The following TM9SF1 variants were observed in gnomAD, a reference collection of about 807,000 sequenced individuals.
TM9SF1 encodes the protein MP70 protein family member.
Under a neutral mutation model 52.4 loss-of-function variants are expected in TM9SF1, and 25 were observed. That is an observed-to-expected ratio of 0.48 (90% CI 0.35 to 0.67). The LOEUF is 0.67. TM9SF1 is among the 30% of genes least tolerant of loss of function. The probability of loss-of-function intolerance (pLI) is 0.01; values close to 1 mark genes in which losing one functional copy is unlikely to be tolerated. For synonymous variants in TM9SF1, 284 were observed against 299.8 expected, an observed-to-expected ratio of 0.95 and a Z score of 0.55; for missense variants, 604 against 780.3, an observed-to-expected ratio of 0.77 and a Z score of 2.69.
chr14:24,193,043 C>G lies in TM9SF1; in HGVS notation c.572G>C (p.Gly191Ala). 6.2e-7 allele frequency: 1 copy of G among 1,614,192 alleles called. No individual in the cohort carries two copies. The highest frequency in any genetic ancestry group is 1.1e-5 in the South Asian group (1 of 91,080). The change falls in exon 3 of 6, where the codon GGG becomes GCG. Residue 191 changes from glycine to alanine, a missense_variant. Gly to Ala is a moderately conservative substitution (Grantham distance 60). Transcript: ENST00000261789. The part of the protein sequence containing the change: ...VRDVKPHSLD[G>A]LRPDEFLGLT... ...GCCTAGGAACTCGTCAGGTCGTAAC[C>G]CATCCAAGCTGTGGGGCTTGACGTC... is the stretch of plus-strand genomic sequence containing the variant.
At chr14:24,195,267 C>T (rs1039317488) in intron 1 of TM9SF1, 79 bp downstream of exon 1, 22 of 504,660 alleles carry the variant, frequency 4.4e-5, no homozygotes, top group Admixed American at 7.1e-5. Flanking sequence ...CTCTACTACG[C>T]GCCCTGGCCC....
chr14:24,189,718 G>T lies in TM9SF1; in HGVS notation c.1518C>A (p.Ala506=). 1.9e-6 allele frequency: 3 copies of T among 1,614,176 alleles called. No individual in the cohort carries two copies. Among genetic ancestry groups the T allele is most frequent in the Non-Finnish European group, 2.5e-6 (3 of 1,180,034 alleles). The part of the protein sequence containing the change: ...TLYGILFFVF[A]ILLSVGACIS... ...TGCAAGCCCCCACACTCAGCAGGAT[G>T]GCGAAGACAAAGAAGAGGATGCCGT... Residue 506 remains alanine (A), a synonymous_variant, in exon 6 of 6, where the codon GCC becomes GCA. Transcript: ENST00000261789.
In TM9SF1 at chr14:24,192,475, G is replaced by GT; in HGVS notation, c.968-120dup. On this transcript the variant is annotated intron_variant, in intron 3 of 5. Transcript: ENST00000261789. The surrounding 1 kb of genome is among the most constrained non-coding windows in gnomAD (Gnocchi z 4.0). ...GCCTCCAGCAAAACAATCTCCCCCA[G>GT]TTTTGCTATCCAGAAAATCTACAAT... is the stretch of plus-strand genomic sequence containing the variant. 1 of 1,391,206 alleles carries GT rather than the reference G, an allele frequency of 7.2e-7. No individual in the cohort carries two copies. Among genetic ancestry groups the GT allele is most frequent in the African/African-American group, 1.4e-5 (1 of 69,574 alleles). 86.2% of individuals were successfully genotyped at this position (1,391,206 alleles called of 1,614,324 possible).
Position 24,190,479 on chromosome 14 carries a change from G to A in TM9SF1, c.1328C>T (p.Ala443Val). 1 of 1,614,210 alleles carries A rather than the reference G, an allele frequency of 6.2e-7. No individual in the cohort carries two copies. Among genetic ancestry groups the A allele is most frequent in the Non-Finnish European group, 8.5e-7 (1 of 1,180,028 alleles). Residue 443 changes from alanine (A) to valine (V), a missense_variant, in exon 5 of 6, where the codon GCA (alanine) becomes GTA (valine). Physicochemically the swap from Ala to Val is moderately conservative, Grantham distance 64. Transcript: ENST00000261789. ...GGCGATGTTCTTGGTGCGACAGGGTGCATCAAAGGGGCTGGCGTTGTTCTT... is the reference window on the plus strand; with the variant it reads ...GGCGATGTTCTTGGTGCGACAGGGTACATCAAAGGGGCTGGCGTTGTTCTT... Reference protein sequence around the residue: ...FGKNNASPFDAPCRTKNIARE... With the variant: ...FGKNNASPFDVPCRTKNIARE...
intron 5 of TM9SF1, 114 bp downstream of exon 5, chr14:24,190,266 T>C: frequency 6.6e-7 from 1 of 1,509,184 alleles, no homozygotes; most frequent in East Asian, 2.3e-5. Context: ...GATCTCTGAA[T>C]GGTACCACTG....
At chr14:24,195,315 T>G in intron 1 of TM9SF1, 31 bp downstream of exon 1, 1 of 376,628 alleles carries the variant, frequency 2.7e-6, no homozygotes, top group Non-Finnish European at 4.9e-6. Context: ...GCACCTCGGG[T>G]CCCTTCCCGC....
At chr14:24,193,449 T>C (rs1282798386) in intron 2 of TM9SF1, among the ~76,000 whole-genome samples, 180 bp from the exon 3 acceptor site, 3 of 151,798 alleles carry the variant, frequency 2.0e-5, no homozygotes, top group Non-Finnish European at 2.9e-5. Flanking sequence ...TTACTGCAAC[T>C]TCTGCCTCCT....
rs1182489530 is a variant in TM9SF1, at chr14:24,189,793, C to T, written c.1443G>A (p.Glu481=). The T allele has an allele frequency of 6.2e-7, 1 of 1,608,262 alleles. No homozygotes were observed. The highest frequency in any genetic ancestry group is 1.3e-5 in the African/African-American group (1 of 74,756). Residue 481 remains glutamate, a synonymous_variant, in exon 6 of 6, where the codon GAG becomes GAA. Transcript: ENST00000261789. Reference sequence around the variant, plus strand: ...ATACTGTGGCAAAGATGTAGTACAGCTCCACAGAGATGGCACTGTGAAGAA... The same window carrying T: ...ATACTGTGGCAAAGATGTAGTACAGTTCCACAGAGATGGCACTGTGAAGAA... ...GFLPFSAISV[E]LYYIFATVWG...
intron 5 of TM9SF1, 95 bp downstream of exon 5, chr14:24,190,285 A>T: frequency 6.6e-7 from 1 of 1,511,846 alleles, no homozygotes; most frequent in East Asian, 2.3e-5. Flanking sequence ...TGAACCAGGG[A>T]TCAACGGGTT....
rs1381686413 is a variant in TM9SF1 at position 24,189,568 on chromosome 14, C to T, written c.1668G>A (p.Arg556=). Reference sequence around the variant, plus strand: ...GTACTGCCCCAGACATGTTGGAGCGCCGGGCATAATAGAAAACTGAGTAGA... The same window carrying T: ...GTACTGCCCCAGACATGTTGGAGCGTCGGGCATAATAGAAAACTGAGTAGA... ...IFLYSVFYYA[R]RSNMSGAVQT... is the part of the protein sequence containing the mutation. Residue 556 remains arginine (R), a synonymous_variant, in exon 6 of 6, where the codon CGG becomes CGA. Transcript: ENST00000261789. 1 of 1,613,990 alleles carries T rather than the reference C, an allele frequency of 6.2e-7. No homozygotes were observed. Among genetic ancestry groups the T allele is most frequent in the Non-Finnish European group, 8.5e-7 (1 of 1,180,030 alleles).
At chr14:24,195,228 C>T (rs1385066520) in intron 1 of TM9SF1, 118 bp downstream of exon 1, 2 of 577,116 alleles carry the variant, frequency 3.5e-6, no homozygotes, top group Admixed American at 3.1e-5. Context: ...CTGGGGTTCA[C>T]CCCACCCGCA....
At chr14:24,194,230 G>GT (rs1009031845) in intron 2 of TM9SF1, among the ~76,000 whole-genome samples, 7 of 152,176 alleles carry the variant, frequency 4.6e-5, no homozygotes, top group Non-Finnish European at 1.0e-4. Flanking sequence ...AAGGAGAGCG[G>GT]TGAGGTATAA....
intron 5 of TM9SF1, chr14:24,190,059 C>T: frequency 1.5e-6 from 2 of 1,357,964 alleles, no homozygotes; most frequent in Non-Finnish European, 1.9e-6. Flanking sequence ...CCACTTTATT[C>T]TTTGCCTGGC....
At position 24,194,944 on chromosome 14, in the gene TM9SF1, G is replaced by C. The variant is rs369085597; in HGVS notation, c.76C>G (p.His26Asp). 2.5e-6 allele frequency: 4 copies of C among 1,614,188 alleles called. No individual in the cohort carries two copies. The highest frequency in any genetic ancestry group is 3.4e-6 in the Non-Finnish European group (4 of 1,180,028). Residue 26 changes from histidine to aspartate, a missense_variant, in exon 2 of 6, where the codon CAT becomes GAT. This residue lies in a region of TM9SF1 where 47 missense variants were observed against 39.7 expected (regional missense o/e 1.18). Transcript: ENST00000261789. ...GTCACGCCTTCCACCCCTGGCCCATGGCCTGTGCCCAGCAACAGTATCAGG... is the reference window on the plus strand; with the variant it reads ...GTCACGCCTTCCACCCCTGGCCCATCGCCTGTGCCCAGCAACAGTATCAGG... ...PILILLLGTG[H>D]GPGVEGVTHY...
At chr14:24,193,651 A>T (rs67327123) in intron 2 of TM9SF1, among the ~76,000 whole-genome samples, 42,602 of 147,160 alleles carry the variant, frequency 0.29, 7,089 homozygotes, top group African/African-American at 0.45. Flanking sequence ...TCGGGTGCGG[A>T]GGCTCATGCC....
Position 24,195,234 on chromosome 14 carries a change from C to G in TM9SF1, c.-18+112G>C, listed in dbSNP as rs191291701. 20 of 573,186 alleles carry G rather than the reference C, an allele frequency of 3.5e-5. No individual in the cohort carries two copies. The Admixed American group carries it at 5.0e-4, about 14-fold the overall frequency. 35.5% of individuals were successfully genotyped at this position (573,186 alleles called of 1,614,324 possible). On this transcript the variant is annotated intron_variant, in intron 1 of 5. Transcript: ENST00000261789. ...CCTCCCAACCTGGGGTTCACCCCACCCGCAGCCCGTCTGGCCCGGGGCCTC... is the reference window on the plus strand; with the variant it reads ...CCTCCCAACCTGGGGTTCACCCCACGCGCAGCCCGTCTGGCCCGGGGCCTC...
intron 5 of TM9SF1, chr14:24,190,052 C>T: frequency 7.4e-7 from 1 of 1,359,146 alleles, no homozygotes; most frequent in Non-Finnish European, 9.4e-7. Context: ...TTTTATTCCA[C>T]TTTATTCTTT....
Position 24,192,814 on chromosome 14 carries a change from C to T in TM9SF1, c.801G>A (p.Arg267=), listed in dbSNP as rs981661175. ...LMRVLRNDLA[R]YNLDEETTSA... is the part of the protein sequence containing the mutation. ...AGGTGGTCTCCTCATCTAAGTTGTA[C>T]CGAGCCAGGTCATTCCGAAGCACAC... is the stretch of plus-strand genomic sequence containing the variant. The change falls in exon 3 of 6, where the codon CGG becomes CGA. Residue 267 remains arginine (R), a synonymous_variant. Coordinates refer to ENST00000261789, the MANE Select transcript of TM9SF1 (RefSeq NM_006405.7). The surrounding 1 kb of genome is among the most constrained non-coding windows in gnomAD (Gnocchi z 4.0). The T allele has an allele frequency of 3.1e-6, 5 of 1,613,784 alleles. No individual in the cohort carries two copies. The African/African-American group carries it at 6.7e-5, about 22-fold the overall frequency.
chr14:24,189,718 G>A lies in TM9SF1; in HGVS notation c.1518C>T (p.Ala506=), dbSNP rs201990470. 1.9e-6 allele frequency: 3 copies of A among 1,614,176 alleles called. No individual in the cohort carries two copies. The highest frequency in any genetic ancestry group is 2.5e-6 in the Non-Finnish European group (3 of 1,180,034). Residue 506 remains alanine (A), a synonymous_variant, in exon 6 of 6, where the codon GCC becomes GCT. Transcript: ENST00000261789. ...TGCAAGCCCCCACACTCAGCAGGATGGCGAAGACAAAGAAGAGGATGCCGT... is the reference window on the plus strand; with the variant it reads ...TGCAAGCCCCCACACTCAGCAGGATAGCGAAGACAAAGAAGAGGATGCCGT... ...TLYGILFFVF[A]ILLSVGACIS...
Sources: gnomAD v4.1 joint callset for allele counts (sites outside exome capture counted in the v4.1 genomes callset) on GRCh38, gnomAD v4.1.1 for gene constraint, gnomAD v4.1.1 regional missense constraint, Gnocchi (gnomAD v3.1) non-coding constraint, MANE v1.5 for transcripts, NCBI Gene and HGNC (gene_info 2026-07-23, HGNC 2026-07-21) for gene names.